The following KIAA0319 variants were observed in gnomAD, a reference collection of about 807,000 sequenced individuals.
KIAA0319 encodes the protein dyslexia-associated protein KIAA0319.
KIAA0319 carries 83 observed loss-of-function variants against 108.4 expected under a neutral mutation model. The ratio of observed to expected loss-of-function variants is 0.77; its 90% CI spans 0.64 to 0.92. The LOEUF (loss-of-function observed/expected upper bound fraction) is 0.92. Among genes scored for constraint, KIAA0319 ranks in the 40% least tolerant of loss-of-function variants. The pLI, the probability that KIAA0319 is intolerant of heterozygous loss-of-function variation, is 0.00. For synonymous variants in KIAA0319, 484 were observed against 510.4 expected (o/e 0.95, Z 0.70); for missense variants, 1,195 against 1,322.4 (o/e 0.90, Z 1.49).
chr6:24,555,751 C>T (rs1400471007), intron 18 of KIAA0319, among the ~76,000 whole-genome samples: 1 of 152,128 alleles, frequency 6.6e-6, no homozygotes, highest in Admixed American at 6.6e-5. Context: ...TGCTGTGGCT[C>T]CAGTTTTTGG....
At chr6:24,604,944 G>C (rs768043826) in intron 1 of KIAA0319, among the ~76,000 whole-genome samples, 3 of 152,106 alleles carry the variant, frequency 2.0e-5, no homozygotes, top group Non-Finnish European at 4.4e-5. Context: ...GGGTTCAAGC[G>C]ATTCTCCTGC....
At chr6:24,592,948 G>A (rs9379669) in intron 3 of KIAA0319, among the ~76,000 whole-genome samples, 68,957 of 151,762 alleles carry the variant, frequency 0.45, 16,077 homozygotes, top group African/African-American at 0.56. Context: ...CTCCAGCCTC[G>A]GTGACAAAGT....
At chr6:24,586,331 T>G (rs890281297) in intron 4 of KIAA0319, among the ~76,000 whole-genome samples, 8 of 151,502 alleles carry the variant, frequency 5.3e-5, no homozygotes, top group Non-Finnish European at 8.9e-5. Flanking sequence ...GTTTGTTTGT[T>G]TTGAAGAAAC....
rs970993400 is a variant in KIAA0319 at position 24,576,369 on chromosome 6, T to C, written c.1733A>G (p.Gln578Arg). 2 of 1,613,636 alleles carry C rather than the reference T, an allele frequency of 1.2e-6. No homozygotes were observed. Among genetic ancestry groups the C allele is most frequent in the Non-Finnish European group, 1.7e-6 (2 of 1,179,532 alleles). Residue 578 changes from glutamine (Q) to arginine (R), a missense_variant and splice_region_variant, in exon 10 of 21, where the codon CAG (glutamine) becomes CGG (arginine). Physicochemically the swap from Gln to Arg is conservative, Grantham distance 43. Coordinates refer to ENST00000378214, the MANE Select transcript of KIAA0319 (RefSeq NM_014809.4). Reference protein sequence around the residue: ...PGSEGKHVVMQGVQTPYLHLS... With the variant: ...PGSEGKHVVMRGVQTPYLHLS... Reference sequence around the variant, plus strand: ...CTGAAGGCAGGATGGAGAACTTGCCTGCATGACCACATGTTTGCCCTCACT... The same window carrying C: ...CTGAAGGCAGGATGGAGAACTTGCCCGCATGACCACATGTTTGCCCTCACT...
rs79082862 is a variant in KIAA0319 at position 24,610,980 on chromosome 6, C to A, written c.-105-9772G>T. Among the ~76,000 whole-genome samples, 864 of 151,862 alleles carry A rather than the reference C, an allele frequency of 5.7e-3. 3 individuals carry two copies. Among genetic ancestry groups the A allele is most frequent in the Admixed American group, 8.9e-3 (136 of 15,264 alleles). On this transcript the variant is annotated intron_variant, in intron 1 of 20. Transcript: ENST00000378214. ...ATATACTAACAAACAAACAAACAAA[C>A]AAAAAAACCCAAAACATTATGCTAA... is the stretch of plus-strand genomic sequence containing the variant.
At chr6:24,609,273 C>CAAAAAAAAAAAAAAAAAAAAA (rs886616830) in intron 1 of KIAA0319, among the ~76,000 whole-genome samples, 3 of 74,798 alleles carry the variant, frequency 4.0e-5, no homozygotes, top group East Asian at 3.9e-4. Flanking sequence ...GTCTCAAAAA[C>CAAAAAAAAAAAAAAAAAAAAA]AAAAAAAAAA....
intron 3 of KIAA0319, among the ~76,000 whole-genome samples, chr6:24,591,559 C>T (rs1482123804): frequency 1.3e-5 from 2 of 152,120 alleles, no homozygotes; most frequent in Non-Finnish European, 2.9e-5. Flanking sequence ...CATGCTGCAC[C>T]GTGGCATTTT....
In KIAA0319 at chr6:24,564,323, A is replaced by G. The variant is rs1187729003; in HGVS notation, c.2310T>C (p.Ser770=). Reference sequence around the variant, plus strand: ...TAAGCTGCAGAGCCACACTGTGGTCAGAGCCATCGATGACATCCTGCGAAA... The same window carrying G: ...TAAGCTGCAGAGCCACACTGTGGTCGGAGCCATCGATGACATCCTGCGAAA... The part of the protein sequence containing the change: ...SPAAGDVIDG[S]DHSVALQLTN... The change falls in exon 15 of 21, where the codon TCT becomes TCC. Residue 770 remains serine, a synonymous_variant. Transcript: ENST00000378214. 3.7e-6 allele frequency: 6 copies of G among 1,614,110 alleles called. No individual in the cohort carries two copies. Among genetic ancestry groups the G allele is most frequent in the Admixed American group, 1.7e-5 (1 of 60,004 alleles).
At chr6:24,621,697 A>G (rs1773956888) in intron 1 of KIAA0319, among the ~76,000 whole-genome samples, 1 of 152,262 alleles carries the variant, frequency 6.6e-6, no homozygotes, top group Admixed American at 6.5e-5. Flanking sequence ...CAGGAAAATA[A>G]GAATGGACAT....
intron 11 of KIAA0319, 81 bp from the exon 12 acceptor site, chr6:24,570,116 A>T: frequency 7.3e-7 from 1 of 1,372,154 alleles, no homozygotes; most frequent in Non-Finnish European, 1.0e-6. Flanking sequence ...ATTTAAGTAC[A>T]TTACTCATCT....
rs774492423 is a variant in KIAA0319, at chr6:24,600,620, T to TG, written c.55+428dup. 44 of 1,515,582 alleles carry TG rather than the reference T, an allele frequency of 2.9e-5. 1 individual carries two copies. Among genetic ancestry groups the TG allele is most frequent in the South Asian group, 2.5e-4 (21 of 83,622 alleles). 93.9% of individuals were successfully genotyped at this position (1,515,582 alleles called of 1,614,324 possible). On this transcript the variant is annotated intron_variant, in intron 2 of 20. Transcript: ENST00000378214. Reference sequence around the variant, plus strand: ...ACCCTCAATCCTTGGTATACTCACATGGGCTCGGCCAGCCCAGTCTAGTCA... The same window carrying TG: ...ACCCTCAATCCTTGGTATACTCACATGGGGCTCGGCCAGCCCAGTCTAGTCA...
chr6:24,633,516 T>C (rs1775835745), intron 1 of KIAA0319, among the ~76,000 whole-genome samples: 2 of 151,998 alleles, frequency 1.3e-5, no homozygotes, highest in Non-Finnish European at 2.9e-5. Flanking sequence ...TCCCAGCACT[T>C]TGAGAGGCCA....
At chr6:24,623,216 C>T (rs1004615036) in intron 1 of KIAA0319, among the ~76,000 whole-genome samples, 7 of 151,958 alleles carry the variant, frequency 4.6e-5, no homozygotes, top group African/African-American at 1.7e-4. Flanking sequence ...CTAGTGTGCA[C>T]ATGAACACAA....
intron 16 of KIAA0319, among the ~76,000 whole-genome samples, chr6:24,560,533 C>T (rs1005704259): frequency 6.6e-6 from 1 of 152,136 alleles, no homozygotes; most frequent in African/African-American, 2.4e-5. Flanking sequence ...TGTATTCATC[C>T]CCTAGGGTTG....
At chr6:24,551,574 G>T in intron 19 of KIAA0319, 49 bp from the exon 20 acceptor site, 1 of 1,268,716 alleles carries the variant, frequency 7.9e-7, no homozygotes, top group South Asian at 1.2e-5. Flanking sequence ...AAAGGTAACT[G>T]AGAGCTAGGA....
chr6:24,642,474 T>C (rs1035215076), intron 1 of KIAA0319, among the ~76,000 whole-genome samples: 8 of 152,166 alleles, frequency 5.3e-5, no homozygotes, highest in African/African-American at 1.9e-4. Flanking sequence ...AGGATTGTGA[T>C]CCTGGGAAGG....
At chr6:24,590,727 A>G (rs1334164833) in intron 3 of KIAA0319, among the ~76,000 whole-genome samples, 1 of 152,220 alleles carries the variant, frequency 6.6e-6, no homozygotes, top group Non-Finnish European at 1.5e-5. Flanking sequence ...GAAGGGGAAG[A>G]AACCTCTCAT....
intron 1 of KIAA0319, among the ~76,000 whole-genome samples, chr6:24,638,113 A>G (rs55866061): frequency 0.11 from 16,017 of 152,240 alleles, 1,053 homozygotes; most frequent in South Asian, 0.27. Context: ...AACAAACAGA[A>G]GCAAGAACTG....
Position 24,569,975 on chromosome 6 carries a change from T to C in KIAA0319, c.1919A>G (p.Glu640Gly). The change falls in exon 12 of 21, where the codon GAA becomes GGA. Residue 640 changes from glutamate (E) to glycine (G), a missense_variant. Transcript: ENST00000378214. ...GCTGCTCCCATCCAGGGTAGCACTT[T>C]CCACTGGGAAGATCAGCTCTTTATC... The part of the protein sequence containing the change: ...GPDKELIFPV[E>G]SATLDGSSSS... 6.2e-7 allele frequency: 1 copy of C among 1,614,126 alleles called. No homozygotes were observed. The highest frequency in any genetic ancestry group is 8.5e-7 in the Non-Finnish European group (1 of 1,179,970).
Sources: allele counts gnomAD v4.1 joint callset (sites outside exome capture counted in the v4.1 genomes callset), GRCh38; gene constraint gnomAD v4.1.1; transcripts MANE v1.5; gene names NCBI Gene and HGNC (gene_info 2026-07-23, HGNC 2026-07-21).